SPATA13: variants seen among roughly 807,000 people sequenced by gnomAD.
SPATA13 encodes the protein spermatogenesis associated 13.
A neutral mutation model predicts 104.0 loss-of-function variants in SPATA13; 50 were observed. That is an observed-to-expected ratio of 0.48 (90% CI 0.38 to 0.61). The LOEUF (loss-of-function observed/expected upper bound fraction) is 0.61. Among genes scored for constraint, SPATA13 ranks in the 20% least tolerant of loss-of-function variants. The pLI is 0.00. For synonymous variants in SPATA13, 606 were observed against 667.5 expected, an observed-to-expected ratio of 0.91 and a Z score of 1.42; for missense variants, 1,524 against 1,690.6, an observed-to-expected ratio of 0.90 and a Z score of 1.73.
chr13:24,301,206 T>C (rs1036323779), intron 12 of SPATA13, among the ~76,000 whole-genome samples: 8 of 152,230 alleles, frequency 5.3e-5, no homozygotes, highest in African/African-American at 1.7e-4. Context: ...TCCCGTCATC[T>C]TTCTACTTTA....
At chr13:24,281,415 A>G (rs2138721862) in intron 4 of SPATA13, among the ~76,000 whole-genome samples, 1 of 152,236 alleles carries the variant, frequency 6.6e-6, no homozygotes, top group South Asian at 2.1e-4. Context: ...GACTTTGTCC[A>G]CACTGAGAGC....
intron 2 of SPATA13, among the ~76,000 whole-genome samples, chr13:24,008,403 C>G (rs1876324783): frequency 1.3e-5 from 2 of 152,210 alleles, no homozygotes; most frequent in African/African-American, 4.8e-5. Context: ...GCTGGCTGAT[C>G]TTGACGCTGA....
intron 2 of SPATA13, among the ~76,000 whole-genome samples, chr13:23,989,007 A>G (rs1659818829): frequency 6.6e-6 from 1 of 152,202 alleles, no homozygotes; most frequent in African/African-American, 2.4e-5. Flanking sequence ...CGGTGACAGT[A>G]GGTTTTATTA....
At chr13:24,050,628 G>C (rs529494563) in intron 3 of SPATA13, among the ~76,000 whole-genome samples, 1 of 152,322 alleles carries the variant, frequency 6.6e-6, no homozygotes, top group South Asian at 2.1e-4. Flanking sequence ...GAATCCACAA[G>C]AGGCGAAGGC....
intron 3 of SPATA13, among the ~76,000 whole-genome samples, chr13:24,028,686 A>G (rs772924697): frequency 5.3e-5 from 8 of 152,206 alleles, no homozygotes; most frequent in Non-Finnish European, 1.0e-4. Context: ...TCACCTTACT[A>G]TCTTTGTATA....
chr13:24,295,940 C>A lies in SPATA13; in HGVS notation c.3210+1072C>A, dbSNP rs184941351. ...AGCTGGATTCAAACCCAAGCAGGCA[C>A]CCTGGCTTCAAAGTCCGTGCTGGTG... On this transcript the variant is annotated intron_variant, in intron 10 of 12. Transcript: ENST00000382108. 2.1e-3 allele frequency among the ~76,000 whole-genome samples: 316 copies of A among 152,222 alleles called. 1 individual carries two copies. The highest frequency in any genetic ancestry group is 3.7e-3 in the Non-Finnish European group (254 of 68,028).
At chr13:24,112,522 C>A (rs1880677161) in intron 3 of SPATA13, among the ~76,000 whole-genome samples, 1 of 151,910 alleles carries the variant, frequency 6.6e-6, no homozygotes, top group Non-Finnish European at 1.5e-5. Flanking sequence ...GGATGCAATC[C>A]ATTTTTGCAT....
chr13:24,069,958 G>C (rs1432116391), intron 3 of SPATA13, among the ~76,000 whole-genome samples: 1 of 152,208 alleles, frequency 6.6e-6, no homozygotes, highest in Non-Finnish European at 1.5e-5. Flanking sequence ...CTCTGGGAGG[G>C]CATTCCTATC....
chr13:24,092,675 A>G (rs1879945777), intron 3 of SPATA13, among the ~76,000 whole-genome samples: 1 of 152,214 alleles, frequency 6.6e-6, no homozygotes, highest in Non-Finnish European at 1.5e-5. Flanking sequence ...CTCTAAAAAC[A>G]TATTGTACTA....
At chr13:23,987,952 T>C (rs572510309) in intron 2 of SPATA13, among the ~76,000 whole-genome samples, 1 of 152,114 alleles carries the variant, frequency 6.6e-6, no homozygotes, top group South Asian at 2.1e-4. Flanking sequence ...TTCTCTTTTT[T>C]TTTTTTTTTG....
intron 2 of SPATA13, among the ~76,000 whole-genome samples, chr13:24,000,682 G>T (rs1875919906): frequency 6.6e-6 from 1 of 152,110 alleles, no homozygotes; most frequent in African/African-American, 2.4e-5. Flanking sequence ...TTGTGTTCAA[G>T]AAAGGGAATT....
At chr13:24,059,991 T>C (rs983691451) in intron 3 of SPATA13, among the ~76,000 whole-genome samples, 1 of 152,232 alleles carries the variant, frequency 6.6e-6, no homozygotes, top group East Asian at 1.9e-4. Flanking sequence ...TTGTTGTATA[T>C]GGCTCTTTTA....
chr13:24,082,195 A>G (rs1197654644), intron 3 of SPATA13, among the ~76,000 whole-genome samples: 3 of 152,218 alleles, frequency 2.0e-5, no homozygotes, highest in Admixed American at 2.0e-4. Context: ...CAAGGATAGC[A>G]ATATCTCTTC....
chr13:24,165,390 C>T (rs996380958), intron 1 of SPATA13, among the ~76,000 whole-genome samples: 3 of 152,154 alleles, frequency 2.0e-5, no homozygotes, highest in Non-Finnish European at 2.9e-5. Context: ...CTTTCCCCTC[C>T]ACCCCCATTC....
intron 4 of SPATA13, among the ~76,000 whole-genome samples, chr13:24,258,960 C>G (rs187906488): frequency 6.6e-6 from 1 of 152,124 alleles, no homozygotes; most frequent in African/African-American, 2.4e-5. Flanking sequence ...CATATCCTAG[C>G]TAGCCACTGG....
chr13:24,224,233 T>C lies in SPATA13; in HGVS notation c.1304T>C (p.Ile435Thr). 1 of 1,551,714 alleles carries C rather than the reference T, an allele frequency of 6.4e-7. No individual in the cohort carries two copies. Among genetic ancestry groups the C allele is most frequent in the Non-Finnish European group, 8.7e-7 (1 of 1,146,996 alleles). Residue 435 changes from isoleucine to threonine, a missense_variant, in exon 2 of 13, where the codon ATT becomes ACT. Physicochemically the swap from Ile to Thr is moderately conservative, Grantham distance 89 (BLOSUM62 -1). Around this residue, in one of 2 missense-constraint regions of SPATA13, gnomAD observed 1,089 missense variants for 1,135.9 expected, o/e 0.96. Coordinates refer to ENST00000382108, the MANE Select transcript of SPATA13 (RefSeq NM_001166271.3). ...SCTCSSLPSPIVQDVLSKDSC... is the reference protein window; with the variant it reads ...SCTCSSLPSPTVQDVLSKDSC... ...ACTTGCAGCTCTTTGCCAAGCCCGA[T>C]TGTCCAGGATGTGTTGAGCAAAGAC...
intron 1 of SPATA13, among the ~76,000 whole-genome samples, chr13:24,217,218 T>C (rs535574753): frequency 6.6e-6 from 1 of 152,204 alleles, no homozygotes; most frequent in Non-Finnish European, 1.5e-5. Flanking sequence ...CATAGCAAGA[T>C]TGAGTCTCTT....
chr13:24,022,297 A>G (rs1877018539), intron 3 of SPATA13, among the ~76,000 whole-genome samples: 1 of 152,022 alleles, frequency 6.6e-6, no homozygotes, highest in South Asian at 2.1e-4. Flanking sequence ...TTAGCCTCCC[A>G]AAGTGCTGGG....
chr13:24,085,335 C>T lies in SPATA13; in HGVS notation c.-112+67634C>T, dbSNP rs116047237. 8.1e-3 allele frequency among the ~76,000 whole-genome samples: 1,226 copies of T among 152,292 alleles called. 19 individuals are homozygous for T. Among genetic ancestry groups the T allele is most frequent in the African/African-American group, 0.028 (1,184 of 41,550 alleles). ...AGAGACAGGGTTTCGCCATGTTAGC[C>T]TGGCTAGTCTCTGATTCCTTACTTC... On this transcript the variant is annotated intron_variant, in intron 3 of 14. Transcript: ENST00000424834.
Sources: allele counts gnomAD v4.1 joint callset (sites outside exome capture counted in the v4.1 genomes callset), GRCh38; gene constraint gnomAD v4.1.1; regional missense constraint gnomAD v4.1.1; transcripts MANE v1.5; gene names NCBI Gene and HGNC (gene_info 2026-07-23, HGNC 2026-07-21).